Variants in TDRD3 observed in about 807,000 individuals in gnomAD.
The protein encoded by TDRD3 is tudor domain-containing protein 3.
TDRD3 carries 45 observed loss-of-function variants against 86.7 expected under a neutral mutation model. That is an observed-to-expected ratio of 0.52 (90% CI 0.41 to 0.67). The LOEUF is 0.67. Among genes scored for constraint, TDRD3 ranks in the 30% least tolerant of loss-of-function variants. TDRD3 has a pLI of 0.00. For synonymous variants in TDRD3, 298 were observed against 301.7 expected (o/e 0.99, Z 0.13); for missense variants, 814 against 889.0 (o/e 0.92, Z 1.07).
At chr13:60,489,716 C>A (rs967499147) in intron 7 of TDRD3, among the ~76,000 whole-genome samples, 3 of 152,054 alleles carry the variant, frequency 2.0e-5, no homozygotes, top group African/African-American at 7.2e-5. Flanking sequence ...TTACTTTTTC[C>A]TCTACAAGGC....
intron 12 of TDRD3, among the ~76,000 whole-genome samples, chr13:60,548,352 G>A (rs1039294263): frequency 2.0e-5 from 3 of 152,138 alleles, no homozygotes; most frequent in African/African-American, 7.2e-5. Flanking sequence ...CCTGGGTTCT[G>A]ATCAAGGGAT....
At chr13:60,426,628 T>C (rs921543940) in intron 1 of TDRD3, among the ~76,000 whole-genome samples, 3 of 152,192 alleles carry the variant, frequency 2.0e-5, no homozygotes, top group Non-Finnish European at 2.9e-5. Context: ...AAAGTACAGA[T>C]GACCAAAGTT....
intron 12 of TDRD3, chr13:60,547,511 T>C: frequency 1.8e-6 from 1 of 565,914 alleles, no homozygotes; most frequent in South Asian, 7.8e-5. Context: ...CTAATATCTC[T>C]GGGTCCCAGT....
At chr13:60,448,572 T>A (rs1321499377) in intron 3 of TDRD3, among the ~76,000 whole-genome samples, 1 of 152,126 alleles carries the variant, frequency 6.6e-6, no homozygotes, top group Non-Finnish European at 1.5e-5. Flanking sequence ...CACAATTTTT[T>A]CCAGGCTTCC....
chr13:60,428,868 A>G (rs1175437200), intron 1 of TDRD3, among the ~76,000 whole-genome samples: 30 of 152,210 alleles, frequency 2.0e-4, no homozygotes, highest in Admixed American at 2.0e-3. Flanking sequence ...ATAAGGGAGT[A>G]TCAGAGTAAA....
At chr13:60,396,964 A>T (rs1953927518), upstream of TDRD3, 1 of 158,160 alleles carries the variant, frequency 6.3e-6, no homozygotes, top group African/African-American at 2.4e-5. Context: ...GGGCGCTGCA[A>T]ACGCCACACT....
chr13:60,555,068 G>T (rs1228508686), intron 12 of TDRD3, among the ~76,000 whole-genome samples: 4 of 152,040 alleles, frequency 2.6e-5, no homozygotes, highest in Non-Finnish European at 4.4e-5. Flanking sequence ...AGAAAATCTT[G>T]GGGATACTTT....
Position 60,414,820 on chromosome 13 carries a change from A to G in TDRD3, c.41+17415A>G, listed in dbSNP as rs574097013. The stretch of plus-strand genomic sequence containing the variant: ...AGATAGAAATCCTTCATTGGTTTCA[A>G]TTGAGCATTCCTATCACACTTGGAC... On this transcript the variant is annotated intron_variant, in intron 1 of 13. Coordinates refer to ENST00000377881, the MANE Select transcript of TDRD3 (RefSeq NM_001146070.2). Among the ~76,000 whole-genome samples the G allele has an allele frequency of 7.2e-5, 11 of 152,226 alleles. No homozygotes were observed. The East Asian group carries it at 1.3e-3, about 19-fold the overall frequency.
chr13:60,521,195 A>G (rs1957278169), intron 10 of TDRD3, among the ~76,000 whole-genome samples: 1 of 152,206 alleles, frequency 6.6e-6, no homozygotes, highest in South Asian at 2.1e-4. Context: ...AAAGAAGTAA[A>G]AGTAAAGGAG....
chr13:60,498,330 TG>T (rs1360027943), intron 8 of TDRD3, among the ~76,000 whole-genome samples: 1 of 152,124 alleles, frequency 6.6e-6, no homozygotes, highest in East Asian at 1.9e-4. Flanking sequence ...TTAACTGCAG[TG>T]GGAATAATTG....
At chr13:60,509,427 A>AT (rs1428517671) in intron 8 of TDRD3, 2 of 187,008 alleles carry the variant, frequency 1.1e-5, no homozygotes, top group Non-Finnish European at 2.2e-5. Flanking sequence ...AAAAATTTCC[A>AT]TTTTTTACCA....
intron 10 of TDRD3, among the ~76,000 whole-genome samples, chr13:60,514,840 T>A (rs1403107743): frequency 2.0e-5 from 3 of 152,270 alleles, no homozygotes; most frequent in African/African-American, 4.8e-5. Context: ...TAAGAAAAAA[T>A]TTCCTGTCTG....
At chr13:60,421,812 G>GA (rs962118170) in intron 1 of TDRD3, among the ~76,000 whole-genome samples, 1 of 152,112 alleles carries the variant, frequency 6.6e-6, no homozygotes, top group African/African-American at 2.4e-5. Context: ...GGCAGACCTC[G>GA]AAAAAAACTA....
At chr13:60,463,080 C>T (rs957792685) in intron 4 of TDRD3, among the ~76,000 whole-genome samples, 26 of 152,012 alleles carry the variant, frequency 1.7e-4, no homozygotes, top group African/African-American at 5.8e-4. Flanking sequence ...ATGAAATTCC[C>T]GTCTCTCACC....
At chr13:60,408,169 C>A (rs1462720034) in intron 1 of TDRD3, among the ~76,000 whole-genome samples, 1 of 152,102 alleles carries the variant, frequency 6.6e-6, no homozygotes, top group East Asian at 1.9e-4. Context: ...TTTTCTCTTG[C>A]CAATGCCATG....
At chr13:60,516,237 C>T (rs1417259406) in intron 10 of TDRD3, among the ~76,000 whole-genome samples, 1 of 152,152 alleles carries the variant, frequency 6.6e-6, no homozygotes, top group Non-Finnish European at 1.5e-5. Context: ...GAATTTAGCG[C>T]AGTAAGCCTT....
At chr13:60,527,149 C>T (rs1043583614) in intron 10 of TDRD3, among the ~76,000 whole-genome samples, 1 of 152,092 alleles carries the variant, frequency 6.6e-6, no homozygotes, top group African/African-American at 2.4e-5. Context: ...CACTTTGAGT[C>T]TTGATCTTTA....
In TDRD3 at chr13:60,397,421, C is replaced by T. The variant is rs1393542094; in HGVS notation, c.41+16C>T. ...AGGCGGGTTGGTAAGTGGCGAGTCC[C>T]GCCGGCTGCCGGGCCGCGGGTGCGG... On this transcript the variant is annotated intron_variant, in intron 1 of 13. Coordinates refer to ENST00000377881, the MANE Select transcript of TDRD3 (RefSeq NM_001146070.2). The T allele has an allele frequency of 7.4e-6, 11 of 1,482,490 alleles. No individual in the cohort carries two copies. Among genetic ancestry groups the T allele is most frequent in the East Asian group, 2.8e-5 (1 of 36,274 alleles). 91.8% of individuals were successfully genotyped at this position (1,482,490 alleles called of 1,614,324 possible).
intron 5 of TDRD3, among the ~76,000 whole-genome samples, chr13:60,483,524 C>T (rs370885734): frequency 6.6e-6 from 1 of 152,122 alleles, no homozygotes; most frequent in East Asian, 1.9e-4. Flanking sequence ...AGGGGAATGG[C>T]CTGATAAATA....
Sources: gnomAD v4.1 joint callset for allele counts (sites outside exome capture counted in the v4.1 genomes callset) on GRCh38, gnomAD v4.1.1 for gene constraint, MANE v1.5 for transcripts, NCBI Gene and HGNC (gene_info 2026-07-23, HGNC 2026-07-21) for gene names.